CAMK2A: variants seen among roughly 807,000 people sequenced by gnomAD.
CAMK2A encodes the protein calcium/calmodulin-dependent protein kinase type II subunit alpha.
Under a neutral mutation model 79.2 loss-of-function variants are expected in CAMK2A, and 7 were observed. The ratio of observed to expected loss-of-function variants is 0.09; its 90% CI spans 0.05 to 0.17. The LOEUF is 0.17. Ranked by LOEUF, CAMK2A falls within the 10% of genes least tolerant of loss-of-function variation. The pLI is 1.00. For synonymous variants in CAMK2A, 242 were observed against 251.7 expected, an observed-to-expected ratio of 0.96 and a Z score of 0.36; for missense variants, 214 against 646.4, an observed-to-expected ratio of 0.33 and a Z score of 7.25.
At chr5:150,234,355 T>C (rs79612603) in intron 15 of CAMK2A, among the ~76,000 whole-genome samples, 4,103 of 152,274 alleles carry the variant, frequency 0.027, 170 homozygotes, top group African/African-American at 0.093. Context: ...CCAAAGTCCC[T>C]GGCTTTGGAT....
rs1754250460 is a variant in CAMK2A at position 150,220,412 on chromosome 5, C to T, written c.*2298G>A. 1 of 152,356 alleles carries T rather than the reference C, an allele frequency of 6.6e-6. No individual in the cohort carries two copies. Among genetic ancestry groups the T allele is most frequent in the Admixed American group, 6.5e-5 (1 of 15,288 alleles). 9.4% of individuals were successfully genotyped at this position (152,356 alleles called of 1,614,324 possible). On this transcript the variant is annotated 3_prime_UTR_variant, in exon 19 of 19. Coordinates refer to ENST00000671881, the MANE Select transcript of CAMK2A (RefSeq NM_015981.4). ...AAGTAAACAGGAGTCCAGCCAGTGA[C>T]TATCCCTGCCAGTTCCTGCAGGTAA...
At chr5:150,224,926 T>G (rs1013813514) in intron 17 of CAMK2A, among the ~76,000 whole-genome samples, 2 of 151,864 alleles carry the variant, frequency 1.3e-5, no homozygotes, top group East Asian at 3.9e-4. Context: ...TTTAGGAGAC[T>G]GAGGCAGGTG....
chr5:150,283,903 C>T (rs757882283), intron 1 of CAMK2A, among the ~76,000 whole-genome samples: 1 of 152,194 alleles, frequency 6.6e-6, no homozygotes, highest in Non-Finnish European at 1.5e-5. Context: ...CACCAAGGCC[C>T]TCAACCTTCT....
rs1193965659 is a variant in CAMK2A at position 150,223,328 on chromosome 5, C to T, written c.1238-111G>A. 5.9e-6 allele frequency: 5 copies of T among 844,996 alleles called. No homozygotes were observed. The highest frequency in any genetic ancestry group is 9.3e-6 in the Non-Finnish European group (5 of 535,124). The allele number at this position is 844,996 out of a possible 1,614,324, so 52.3% of individuals were successfully genotyped here. On this transcript the variant is annotated intron_variant, in intron 17 of 18. Transcript: ENST00000671881. The surrounding 1 kb of genome is among the most constrained non-coding windows in gnomAD (Gnocchi z 4.1). The stretch of plus-strand genomic sequence containing the variant: ...CTCTCAATGGAGGCGCCCTGCCTGA[C>T]TCATTTGCAGGGAAGGGGCCTGTGT...
At chr5:150,255,260 G>A (rs538055349) in intron 6 of CAMK2A, among the ~76,000 whole-genome samples, 3 of 152,244 alleles carry the variant, frequency 2.0e-5, no homozygotes, top group Non-Finnish European at 4.4e-5. Context: ...AGACCCTCTT[G>A]GAGTGCACAC....
chr5:150,263,421 C>T lies in CAMK2A; in HGVS notation c.217+1535G>A, dbSNP rs545331010. Among the ~76,000 whole-genome samples the T allele has an allele frequency of 4.8e-3, 731 of 152,028 alleles. 10 individuals are homozygous for T. Among genetic ancestry groups the T allele is most frequent in the African/African-American group, 0.016 (679 of 41,452 alleles). On this transcript the variant is annotated intron_variant, in intron 3 of 18. Coordinates refer to ENST00000671881, the MANE Select transcript of CAMK2A (RefSeq NM_015981.4). ...ACACACACTTACACAGACTCACATA[C>T]GCACATTCACACACACATTCACACA...
chr5:150,271,531 C>T (rs2150300768), intron 2 of CAMK2A, among the ~76,000 whole-genome samples: 1 of 152,314 alleles, frequency 6.6e-6, no homozygotes, highest in Non-Finnish European at 1.5e-5. Flanking sequence ...GGGCCCTGGC[C>T]CCACACAGCT....
intron 10 of CAMK2A, 144 bp downstream of exon 10, chr5:150,250,544 A>G (rs1201790502): frequency 8.6e-7 from 1 of 1,160,704 alleles, no homozygotes; most frequent in Non-Finnish European, 1.2e-6. Context: ...TTTCCACATT[A>G]CCCCTGAGAA....
chr5:150,257,612 G>A lies in CAMK2A; in HGVS notation c.223C>T (p.Leu75=). 6.4e-7 allele frequency: 1 copy of A among 1,568,716 alleles called. No homozygotes were observed. The highest frequency in any genetic ancestry group is 1.2e-5 in the South Asian group (1 of 84,906). ...CCCTCCTCTGAGATGCTGTCATGTA[G>A]TCGGACTGTGGGCGGGGCAAGGCAG... ...RLLKHPNIVR[L]HDSISEEGHH... Residue 75 remains leucine (L), a synonymous_variant, in exon 4 of 19, where the codon CTA becomes TTA. Coordinates refer to ENST00000671881, the MANE Select transcript of CAMK2A (RefSeq NM_015981.4).
chr5:150,222,924 C>T (rs1754390982), intron 18 of CAMK2A, 65 bp downstream of exon 18: 1 of 1,514,686 alleles, frequency 6.6e-7, no homozygotes, highest in Non-Finnish European at 9.2e-7. Flanking sequence ...CCCGACGTAA[C>T]CCCCTCCAGG....
intron 9 of CAMK2A, 42 bp downstream of exon 9, chr5:150,251,708 C>T: frequency 6.9e-7 from 1 of 1,442,466 alleles, no homozygotes; most frequent in South Asian, 1.3e-5. Context: ...ACTGGAAGGG[C>T]ACCAGAGGAT....
intron 12 of CAMK2A, among the ~76,000 whole-genome samples, chr5:150,245,572 C>G (rs1037805128): frequency 6.6e-6 from 1 of 152,220 alleles, no homozygotes; most frequent in Non-Finnish European, 1.5e-5. Flanking sequence ...GCTGCCTGGC[C>G]CCAGGCTGGA....
At chr5:150,282,292 G>A (rs146539253) in intron 1 of CAMK2A, among the ~76,000 whole-genome samples, 72 of 152,352 alleles carry the variant, frequency 4.7e-4, no homozygotes, top group African/African-American at 1.7e-3. Context: ...TCTGTTTGCT[G>A]CAGGGAACAT....
intron 3 of CAMK2A, among the ~76,000 whole-genome samples, chr5:150,261,946 C>T (rs929607650): frequency 6.6e-6 from 1 of 152,228 alleles, no homozygotes; most frequent in Admixed American, 6.5e-5. Flanking sequence ...ACCTACCATA[C>T]TTCCCTTCCC....
At chr5:150,254,736 G>A (rs966465037) in intron 6 of CAMK2A, among the ~76,000 whole-genome samples, 1 of 152,162 alleles carries the variant, frequency 6.6e-6, no homozygotes, top group Non-Finnish European at 1.5e-5. Flanking sequence ...ATGACATATG[G>A]GCAAATTATT....
Position 150,223,269 on chromosome 5 carries a change from C to CTCACTTTCT in CAMK2A, c.1238-61_1238-53dup. On this transcript the variant is annotated intron_variant, in intron 17 of 18. Coordinates refer to ENST00000671881, the MANE Select transcript of CAMK2A (RefSeq NM_015981.4). The surrounding 1 kb of genome is among the most constrained non-coding windows in gnomAD (Gnocchi z 4.1). ...GGAGATGCAACCGGGGGCCTCCTGTCTCACTTTCTTCACTTTCTCCACTCC... is the reference window on the plus strand; with the variant it reads ...GGAGATGCAACCGGGGGCCTCCTGTCTCACTTTCTTCACTTTCTTCACTTTCTCCACTCC... The CTCACTTTCT allele has an allele frequency of 7.0e-7, 1 of 1,434,364 alleles. No individual in the cohort carries two copies. The highest frequency in any genetic ancestry group is 9.7e-7 in the Non-Finnish European group (1 of 1,032,018). 88.9% of individuals were successfully genotyped at this position (1,434,364 alleles called of 1,614,324 possible).
At position 150,238,311 on chromosome 5, in the gene CAMK2A, G is replaced by C. The variant is rs371888328; in HGVS notation, c.1066+389C>G. ...ACTAAAAATACAAAAAATTAGCCAG[G>C]TGTGGTGGCAGGCATCTGTCATCCC... On this transcript the variant is annotated intron_variant, in intron 15 of 18. Coordinates refer to ENST00000671881, the MANE Select transcript of CAMK2A (RefSeq NM_015981.4). The C allele has an allele frequency of 6.5e-4, 125 of 192,650 alleles. 3 individuals are homozygous for C. The highest frequency in any genetic ancestry group is 2.8e-3 in the African/African-American group (118 of 41,946). The allele number at this position is 192,650 out of a possible 1,614,324, so 11.9% of individuals were successfully genotyped here.
Position 150,278,472 on chromosome 5 carries a change from C to T in CAMK2A, c.63-5313G>A, listed in dbSNP as rs1302527980. Among the ~76,000 whole-genome samples, 4 of 152,136 alleles carry T rather than the reference C, an allele frequency of 2.6e-5. No individual in the cohort carries two copies. In the East Asian group the frequency reaches 5.8e-4, roughly 22 times the overall value. ...CTTGGCAAACAGAAGAGCCAGCCCA[C>T]TCCTCTTGTGGCCCTGAGCTGAGCA... On this transcript the variant is annotated intron_variant, in intron 1 of 18. Coordinates refer to ENST00000671881, the MANE Select transcript of CAMK2A (RefSeq NM_015981.4).
Position 150,264,935 on chromosome 5 carries a change from CT to C in CAMK2A, c.217+20del. 1 of 1,610,790 alleles carries C rather than the reference CT, an allele frequency of 6.2e-7. No homozygotes were observed. The highest frequency in any genetic ancestry group is 8.5e-7 in the Non-Finnish European group (1 of 1,177,026). ...AGCAGGGCCTGGCTCCCCTGCGCCC[CT>C]CTCATCCCACAAGGCTCACCGATGT... On this transcript the variant is annotated intron_variant, in intron 3 of 18. Transcript: ENST00000671881.
Sources: gnomAD v4.1 joint callset for allele counts (sites outside exome capture counted in the v4.1 genomes callset) on GRCh38, gnomAD v4.1.1 for gene constraint, Gnocchi (gnomAD v3.1) non-coding constraint, MANE v1.5 for transcripts, NCBI Gene and HGNC (gene_info 2026-07-23, HGNC 2026-07-21) for gene names.